TPST1: variants seen among roughly 807,000 people sequenced by gnomAD.
The protein encoded by TPST1 is tyrosylprotein sulfotransferase 1, also known as protein-tyrosine sulfotransferase 1.
Under a neutral mutation model 34.8 loss-of-function variants are expected in TPST1, and 20 were observed. That is an observed-to-expected ratio of 0.57 (90% CI 0.40 to 0.84). The LOEUF is 0.84. TPST1 is among the 40% of genes least tolerant of loss of function. TPST1 has a pLI of 0.00. For missense variants in TPST1, 353 were observed against 455.5 expected, an observed-to-expected ratio of 0.78 and a Z score of 2.05; for synonymous variants, 152 against 159.4, an observed-to-expected ratio of 0.95 and a Z score of 0.35.
At chr7:66,244,378 G>A (rs990808809) in intron 2 of TPST1, among the ~76,000 whole-genome samples, 2 of 152,198 alleles carry the variant, frequency 1.3e-5, no homozygotes, top group African/African-American at 4.8e-5. Flanking sequence ...ACTTGTAGAA[G>A]CTGTTGAAAA....
rs138656018 is a variant in TPST1, at chr7:66,237,701, G to A, written c.-101-2624G>A. Among the ~76,000 whole-genome samples the A allele has an allele frequency of 4.8e-3, 738 of 152,168 alleles. 13 individuals carry two copies. Among genetic ancestry groups the A allele is most frequent in the South Asian group, 0.036 (171 of 4,812 alleles). ...CTGAATTTAGAGTGGTGGGTAACGC[G>A]CATGCCCACTCTGTATATGGGGAGG... On this transcript the variant is annotated intron_variant, in intron 1 of 5. Transcript: ENST00000304842.
At chr7:66,250,256 G>A (rs4718330) in intron 2 of TPST1, among the ~76,000 whole-genome samples, 97,951 of 152,076 alleles carry the variant, frequency 0.64, 31,991 homozygotes, top group African/African-American at 0.74. Flanking sequence ...TTATAGATGA[G>A]GGACTTGAGG....
intron 1 of TPST1, among the ~76,000 whole-genome samples, chr7:66,218,697 G>A (rs551514944): frequency 4.7e-4 from 71 of 152,028 alleles, no homozygotes; most frequent in African/African-American, 1.6e-3. Flanking sequence ...ATGCAAAAAC[G>A]TTAGCTGGGT....
chr7:66,202,717 AG>A (rs1176116148), upstream of TPST1, among the ~76,000 whole-genome samples: 1 of 152,180 alleles, frequency 6.6e-6, no homozygotes, highest in Non-Finnish European at 1.5e-5. Flanking sequence ...GACTGGTTAG[AG>A]GATCGCTTGA....
rs1311453531 is a variant in TPST1, at chr7:66,249,209, ATTC to A, written c.845+7942_845+7944del. Among the ~76,000 whole-genome samples, 4 of 151,940 alleles carry A rather than the reference ATTC, an allele frequency of 2.6e-5. No homozygotes were observed. In the East Asian group the frequency reaches 7.7e-4, roughly 29 times the overall value. The stretch of plus-strand genomic sequence containing the variant: ...GAAGATTCCTGTTTTTTTTAAAAAA[ATTC>A]TTTTTTTTTTTTAAGATTTAAAATG... On this transcript the variant is annotated intron_variant, in intron 2 of 5. Coordinates refer to ENST00000304842, the MANE Select transcript of TPST1 (RefSeq NM_003596.4).
chr7:66,255,630 C>A (rs1341216536), intron 2 of TPST1, among the ~76,000 whole-genome samples: 4 of 151,994 alleles, frequency 2.6e-5, no homozygotes, highest in Non-Finnish European at 5.9e-5. Context: ...TCAGAATACC[C>A]AAAAAATCCT....
chr7:66,207,261 T>A (rs1789149196), intron 1 of TPST1, among the ~76,000 whole-genome samples: 1 of 152,224 alleles, frequency 6.6e-6, no homozygotes, highest in Non-Finnish European at 1.5e-5. Flanking sequence ...TTACCATTTT[T>A]CTCTGACTCT....
At chr7:66,281,874 T>C (rs985777418) in intron 2 of TPST1, among the ~76,000 whole-genome samples, 2 of 152,194 alleles carry the variant, frequency 1.3e-5, no homozygotes, top group Non-Finnish European at 2.9e-5. Context: ...TCGTGGAGAA[T>C]TGTATTCACC....
chr7:66,243,178 T>C (rs1475131996), intron 2 of TPST1, among the ~76,000 whole-genome samples: 2 of 149,424 alleles, frequency 1.3e-5, no homozygotes, highest in South Asian at 2.1e-4. Flanking sequence ...TTTGTGTGTG[T>C]GTGTGTGTGT....
intron 3 of TPST1, among the ~76,000 whole-genome samples, chr7:66,307,008 G>C (rs1412428925): frequency 6.6e-6 from 1 of 152,186 alleles, no homozygotes; most frequent in South Asian, 2.1e-4. Flanking sequence ...GAGCCACCGC[G>C]CCTGGCCCAA....
intron 1 of TPST1, among the ~76,000 whole-genome samples, chr7:66,237,323 C>T (rs1789931549): frequency 6.6e-6 from 1 of 152,184 alleles, no homozygotes; most frequent in Non-Finnish European, 1.5e-5. Flanking sequence ...TGTTCTTACC[C>T]ACCTTTTAGC....
At chr7:66,272,445 C>G (rs375411138) in intron 2 of TPST1, among the ~76,000 whole-genome samples, 3 of 152,030 alleles carry the variant, frequency 2.0e-5, no homozygotes, top group African/African-American at 7.2e-5. Context: ...AACTCTCAAC[C>G]AAATTAGATA....
At chr7:66,346,414 A>G (rs1792353594) in intron 3 of TPST1, among the ~76,000 whole-genome samples, 2 of 152,268 alleles carry the variant, frequency 1.3e-5, no homozygotes, top group South Asian at 2.1e-4. Context: ...ACTGTTCTCC[A>G]TGGTGGTTGT....
At chr7:66,357,801 A>G (rs1267720835) in intron 5 of TPST1, among the ~76,000 whole-genome samples, 1 of 152,208 alleles carries the variant, frequency 6.6e-6, no homozygotes, top group Non-Finnish European at 1.5e-5. Flanking sequence ...AAAATCTGAT[A>G]TTGGCTGGGC....
intron 3 of TPST1, among the ~76,000 whole-genome samples, chr7:66,335,764 A>G (rs919158410): frequency 3.9e-5 from 6 of 152,320 alleles, no homozygotes; most frequent in Middle Eastern, 3.4e-3. Context: ...CAGAATGGGA[A>G]GAAACAATAG....
intron 1 of TPST1, among the ~76,000 whole-genome samples, chr7:66,214,532 T>C (rs1032084367): frequency 4.4e-4 from 67 of 151,934 alleles, no homozygotes; most frequent in African/African-American, 1.5e-3. Context: ...TAAGAATTGG[T>C]GTTGCTGGTG....
chr7:66,329,940 T>G (rs1791963425), intron 3 of TPST1, among the ~76,000 whole-genome samples: 2 of 152,048 alleles, frequency 1.3e-5, no homozygotes, highest in African/African-American at 4.8e-5. Context: ...ACACTGGGAA[T>G]ACAAGAGGGC....
chr7:66,264,769 C>T (rs936877749), intron 2 of TPST1, among the ~76,000 whole-genome samples: 1 of 151,872 alleles, frequency 6.6e-6, no homozygotes, highest in Non-Finnish European at 1.5e-5. Flanking sequence ...AGATATGAAA[C>T]ACAACAAGAA....
At chr7:66,328,845 TCTCTCTCTCTCCCG>T (rs1255066807) in intron 3 of TPST1, among the ~76,000 whole-genome samples, 4 of 128,758 alleles carry the variant, frequency 3.1e-5, no homozygotes, top group African/African-American at 5.9e-5. Flanking sequence ...TCTTTCTCAC[TCTCTCTCTCTCCCG>T]CTCTCTCTCT....
Sources: allele counts gnomAD v4.1 joint callset (sites outside exome capture counted in the v4.1 genomes callset), GRCh38; gene constraint gnomAD v4.1.1; transcripts MANE v1.5; gene names NCBI Gene and HGNC (gene_info 2026-07-23, HGNC 2026-07-21).